Variants in LASP1 observed in about 807,000 individuals in gnomAD.
The protein encoded by LASP1 is LIM and SH3 protein 1, also known as LIM and SH3 domain protein 1.
Under a neutral mutation model 38.6 loss-of-function variants are expected in LASP1, and 10 were observed. The observed-to-expected ratio is 0.26, with a 90% CI of 0.16 to 0.44. The LOEUF (loss-of-function observed/expected upper bound fraction) is 0.44, where lower values mean the gene tolerates loss of function less well. Among genes scored for constraint, LASP1 ranks in the 20% least tolerant of loss-of-function variants. The pLI is 1.00. For missense variants in LASP1, 243 were observed against 375.7 expected, an observed-to-expected ratio of 0.65 and a Z score of 2.92; for synonymous variants, 132 against 140.8, an observed-to-expected ratio of 0.94 and a Z score of 0.44.
At chr17:38,876,700 C>T (rs942068170) in intron 1 of LASP1, among the ~76,000 whole-genome samples, 11 of 151,498 alleles carry the variant, frequency 7.3e-5, no homozygotes, top group Non-Finnish European at 8.8e-5. Context: ...CTCTTCCCTC[C>T]GTCGGCCACC....
Position 38,918,596 on chromosome 17 carries a change from C to A in LASP1, c.613-9C>A. Reference sequence around the variant, plus strand: ...GCAGGGCCCTAGGCTGACCACACTTCCCCCACAGAAGCGGTACCGCGCGGT... The same window carrying A: ...GCAGGGCCCTAGGCTGACCACACTTACCCCACAGAAGCGGTACCGCGCGGT... On this transcript the variant is annotated splice_polypyrimidine_tract_variant and intron_variant, in intron 6 of 6. Coordinates refer to ENST00000318008, the MANE Select transcript of LASP1 (RefSeq NM_006148.4). The surrounding 1 kb of genome is among the most constrained non-coding windows in gnomAD (Gnocchi z 4.4). 1.9e-6 allele frequency: 3 copies of A among 1,577,696 alleles called. No individual in the cohort carries two copies. Among genetic ancestry groups the A allele is most frequent in the Non-Finnish European group, 2.6e-6 (3 of 1,155,624 alleles).
At chr17:38,880,012 AC>A (rs1245718618) in intron 2 of LASP1, among the ~76,000 whole-genome samples, 1 of 151,164 alleles carries the variant, frequency 6.6e-6, no homozygotes, top group Non-Finnish European at 1.5e-5. Context: ...CCCCCTACCA[AC>A]CCCTCCCACC....
At chr17:38,875,071 G>GTGTGTGTGTGTGTA (rs1555553206) in intron 1 of LASP1, among the ~76,000 whole-genome samples, 2 of 135,772 alleles carry the variant, frequency 1.5e-5, no homozygotes, top group East Asian at 2.3e-4. Context: ...GTGTGTGTGT[G>GTGTGTGTGTGTGTA]TGTGTGTGTG....
At chr17:38,889,322 G>T (rs2143765343) in intron 2 of LASP1, among the ~76,000 whole-genome samples, 1 of 152,212 alleles carries the variant, frequency 6.6e-6, no homozygotes, top group South Asian at 2.1e-4. Flanking sequence ...GTGGAGACCG[G>T]GGTTTCAGCA....
chr17:38,885,443 G>C (rs1185947622), intron 2 of LASP1, among the ~76,000 whole-genome samples: 1 of 152,180 alleles, frequency 6.6e-6, no homozygotes, highest in East Asian at 1.9e-4. Context: ...TCCAGTCCCT[G>C]TTCCTGCCCC....
Position 38,897,100 on chromosome 17 carries a change from G to T in LASP1, c.250-1312G>T, listed in dbSNP as rs546972591. The stretch of plus-strand genomic sequence containing the variant: ...GGTTCTGGACTCTTGGGGTGGGTTG[G>T]TGCCTCTATCCACTGCATTCACTTC... On this transcript the variant is annotated intron_variant, in intron 3 of 6. Coordinates refer to ENST00000318008, the MANE Select transcript of LASP1 (RefSeq NM_006148.4). The T allele has an allele frequency of 2.2e-4, 214 of 984,954 alleles. 2 individuals are homozygous for T. The South Asian group carries it at 9.0e-3, about 41-fold the overall frequency. The allele number at this position is 984,954 out of a possible 1,614,324, so 61.0% of individuals were successfully genotyped here.
intron 3 of LASP1, among the ~76,000 whole-genome samples, chr17:38,892,579 CA>C (rs1914364010): frequency 3.3e-5 from 5 of 151,374 alleles, no homozygotes; most frequent in Admixed American, 6.7e-5. Context: ...CACACACACA[CA>C]CACACACACA....
At position 38,896,334 on chromosome 17, in the gene LASP1, G is replaced by A. The variant is rs1369776375; in HGVS notation, c.250-2078G>A. Reference sequence around the variant, plus strand: ...GCCAGCTCCCTTCAGGGGACCCAGAGAGGGGAACTGACTTGCTTAGAAACA... The same window carrying A: ...GCCAGCTCCCTTCAGGGGACCCAGAAAGGGGAACTGACTTGCTTAGAAACA... On this transcript the variant is annotated intron_variant, in intron 3 of 6. Transcript: ENST00000318008. 2.0e-5 allele frequency among the ~76,000 whole-genome samples: 3 copies of A among 152,224 alleles called. No individual in the cohort carries two copies. In the East Asian group the frequency reaches 5.8e-4, roughly 29 times the overall value.
intron 4 of LASP1, chr17:38,898,731 TGAAG>T (rs958496966): frequency 1.3e-5 from 8 of 627,712 alleles, no homozygotes; most frequent in Non-Finnish European, 2.4e-5. Flanking sequence ...ATTTTCTTCT[TGAAG>T]GGACTGTATT....
At chr17:38,887,929 G>A (rs1196794169) in intron 2 of LASP1, among the ~76,000 whole-genome samples, 2 of 152,176 alleles carry the variant, frequency 1.3e-5, no homozygotes, top group African/African-American at 4.8e-5. Context: ...TCTCGAGTGT[G>A]TCAGTTTTGG....
At chr17:38,876,998 G>A (rs376642579) in intron 1 of LASP1, among the ~76,000 whole-genome samples, 8 of 152,082 alleles carry the variant, frequency 5.3e-5, no homozygotes, top group South Asian at 2.1e-4. Context: ...CACCGTGCCC[G>A]GCCGTGTCCC....
chr17:38,914,517 C>T (rs557442086), intron 5 of LASP1, 42 bp downstream of exon 5: 2 of 1,552,544 alleles, frequency 1.3e-6, no homozygotes, highest in Non-Finnish European at 1.7e-6. Flanking sequence ...TGAGGCGAGG[C>T]CAGTGGGGTG....
chr17:38,870,595 G>C (rs1913571223), intron 1 of LASP1, among the ~76,000 whole-genome samples: 1 of 151,966 alleles, frequency 6.6e-6, no homozygotes, highest in Non-Finnish European at 1.5e-5. Flanking sequence ...CTACGGCCTG[G>C]AGAGTGAGAA....
intron 3 of LASP1, among the ~76,000 whole-genome samples, chr17:38,892,775 C>T (rs1209188629): frequency 6.6e-6 from 1 of 152,232 alleles, no homozygotes; most frequent in East Asian, 1.9e-4. Context: ...GCAGGGGCTG[C>T]TTCTGCCCCC....
intron 2 of LASP1, among the ~76,000 whole-genome samples, chr17:38,885,379 C>T (rs557365381): frequency 2.0e-5 from 3 of 152,330 alleles, no homozygotes; most frequent in South Asian, 4.1e-4. Context: ...TGTAAATTGT[C>T]CTGAAGCCCG....
chr17:38,875,143 G>A (rs1913729451), intron 1 of LASP1, among the ~76,000 whole-genome samples: 2 of 151,550 alleles, frequency 1.3e-5, no homozygotes, highest in African/African-American at 4.9e-5. Context: ...GCAGGCCCCT[G>A]TGGGGGTAGG....
At position 38,914,378 on chromosome 17, in the gene LASP1, G is replaced by A. The variant is rs1461319135; in HGVS notation, c.411G>A (p.Glu137=). 3.1e-6 allele frequency: 5 copies of A among 1,612,102 alleles called. No homozygotes were observed. The highest frequency in any genetic ancestry group is 1.7e-5 in the Admixed American group (1 of 59,964). The change falls in exon 5 of 7, where the codon GAG becomes GAA. Residue 137 remains glutamate (E), a synonymous_variant. Transcript: ENST00000318008. ...EKSRMGPSGG[E]GMEPERRDSQ... ...GCCGCATGGGCCCTAGCGGGGGCGA[G>A]GGCATGGAGCCAGAGCGTCGGGATT... is the stretch of plus-strand genomic sequence containing the variant.
intron 2 of LASP1, among the ~76,000 whole-genome samples, chr17:38,888,333 C>T (rs1462423759): frequency 6.6e-6 from 1 of 151,472 alleles, no homozygotes; most frequent in Non-Finnish European, 1.5e-5. Context: ...GACTAGAGTA[C>T]AGTGGCGGAT....
chr17:38,892,825 C>T (rs1416993291), intron 3 of LASP1, among the ~76,000 whole-genome samples: 1 of 152,238 alleles, frequency 6.6e-6, no homozygotes, highest in African/African-American at 2.4e-5. Flanking sequence ...TTTGGGGGCT[C>T]CTGTCCCTGG....
Sources: gnomAD v4.1 joint callset for allele counts (sites outside exome capture counted in the v4.1 genomes callset) on GRCh38, gnomAD v4.1.1 for gene constraint, Gnocchi (gnomAD v3.1) non-coding constraint, MANE v1.5 for transcripts, NCBI Gene and HGNC (gene_info 2026-07-23, HGNC 2026-07-21) for gene names.